GRM8: variants seen among roughly 807,000 people sequenced by gnomAD.
The protein encoded by GRM8 is glutamate metabotropic receptor 8.
A neutral mutation model predicts 87.2 loss-of-function variants in GRM8; 47 were observed. That is an observed-to-expected ratio of 0.54 (90% CI 0.43 to 0.69). The LOEUF is 0.69. Ranked by LOEUF, GRM8 falls within the 30% of genes least tolerant of loss-of-function variation. The probability of loss-of-function intolerance (pLI) is 0.00; values close to 1 mark genes in which losing one functional copy is unlikely to be tolerated. For missense variants in GRM8, 1,019 were observed against 1,139.2 expected, an observed-to-expected ratio of 0.89 and a Z score of 1.52; for synonymous variants, 396 against 404.5, an observed-to-expected ratio of 0.98 and a Z score of 0.25.
At chr7:127,205,821 A>G (rs1357779755) in intron 2 of GRM8, among the ~76,000 whole-genome samples, 2 of 152,090 alleles carry the variant, frequency 1.3e-5, no homozygotes, top group Non-Finnish European at 2.9e-5. Flanking sequence ...CTCTTCACCC[A>G]GGCTCCATGT....
intron 8 of GRM8, among the ~76,000 whole-genome samples, chr7:126,542,145 C>T (rs574311208): frequency 6.6e-6 from 1 of 152,230 alleles, no homozygotes; most frequent in South Asian, 2.1e-4. Context: ...TTCTGGCCTC[C>T]AGAACTATGA....
chr7:127,205,378 G>A (rs1239534316), intron 2 of GRM8, among the ~76,000 whole-genome samples: 1 of 152,154 alleles, frequency 6.6e-6, no homozygotes, highest in African/African-American at 2.4e-5. Context: ...ATTAATGCCT[G>A]AATTACCAAG....
intron 3 of GRM8, among the ~76,000 whole-genome samples, chr7:126,934,559 C>A (rs976884413): frequency 6.6e-6 from 1 of 152,132 alleles, no homozygotes; most frequent in Non-Finnish European, 1.5e-5. Flanking sequence ...ACAGAAATCT[C>A]AGATTCTTTG....
At chr7:126,565,661 A>G (rs9942596) in intron 8 of GRM8, among the ~76,000 whole-genome samples, 46,933 of 150,630 alleles carry the variant, frequency 0.31, 8,125 homozygotes, top group East Asian at 0.45. Flanking sequence ...AAAATCCCAA[A>G]GAAATTTCAT....
chr7:126,522,438 T>C (rs544526541), intron 9 of GRM8, among the ~76,000 whole-genome samples: 1 of 152,282 alleles, frequency 6.6e-6, no homozygotes. Context: ...CCCTAGCAAA[T>C]GAAGTACAAA....
chr7:127,243,295 C>T lies in GRM8; in HGVS notation c.-91G>A. ...CACCTGAGGCTGCACCTTCTGGAGG[C>T]TACCATCAGGGCCCATGGGGAAAAG... On this transcript the variant is annotated 5_prime_UTR_variant, in exon 2 of 11. Coordinates refer to ENST00000339582, the MANE Select transcript of GRM8 (RefSeq NM_000845.3). The T allele has an allele frequency of 2.5e-6, 3 of 1,177,878 alleles. No homozygotes were observed. The highest frequency in any genetic ancestry group is 3.6e-6 in the Non-Finnish European group (3 of 837,168). 73.0% of individuals were successfully genotyped at this position (1,177,878 alleles called of 1,614,324 possible).
intron 2 of GRM8, among the ~76,000 whole-genome samples, chr7:127,172,222 A>C (rs1468187472): frequency 6.6e-6 from 1 of 152,130 alleles, no homozygotes; most frequent in African/African-American, 2.4e-5. Flanking sequence ...TCTTGTGATT[A>C]TTTAATAAAC....
At chr7:127,015,855 T>C (rs1360673880) in intron 3 of GRM8, among the ~76,000 whole-genome samples, 1 of 152,158 alleles carries the variant, frequency 6.6e-6, no homozygotes, top group African/African-American at 2.4e-5. Flanking sequence ...AGGAAGAACT[T>C]AATTTATTGC....
In GRM8 at chr7:126,557,560, G is replaced by A. The variant is rs372601685; in HGVS notation, c.1495-23673C>T. On this transcript the variant is annotated intron_variant, in intron 8 of 10. Transcript: ENST00000339582. The stretch of plus-strand genomic sequence containing the variant: ...TTTCTGGAAATTCCCCATTGTTGCT[G>A]TACAACACTTCCTATTATAAAATTC... 5.8e-3 allele frequency among the ~76,000 whole-genome samples: 784 copies of A among 135,072 alleles called. 7 individuals are homozygous for A. Among genetic ancestry groups the A allele is most frequent in the African/African-American group, 0.019 (747 of 40,314 alleles). 88.6% of individuals were successfully genotyped at this position (135,072 alleles called of 152,430 possible).
chr7:127,111,284 A>C (rs991607436), intron 2 of GRM8: 2 of 152,220 alleles, frequency 1.3e-5, no homozygotes, highest in African/African-American at 4.8e-5. Context: ...CCAAAAATTT[A>C]ACTTAGAGCT....
intron 2 of GRM8, among the ~76,000 whole-genome samples, chr7:127,125,995 C>T (rs1170660771): frequency 3.0e-5 from 4 of 131,850 alleles, no homozygotes; most frequent in East Asian, 2.0e-4. Context: ...GGTGAGGATG[C>T]GGAGAAAAGG....
chr7:127,151,292 T>A (rs1022560917), intron 2 of GRM8, among the ~76,000 whole-genome samples: 1 of 152,020 alleles, frequency 6.6e-6, no homozygotes, highest in African/African-American at 2.4e-5. Flanking sequence ...TTCAATAAAC[T>A]CAACCACCTA....
At chr7:126,628,192 C>T (rs1203709525) in intron 7 of GRM8, among the ~76,000 whole-genome samples, 2 of 152,020 alleles carry the variant, frequency 1.3e-5, no homozygotes, top group South Asian at 2.1e-4. Flanking sequence ...GGATTACAGG[C>T]GTGTGCCACC....
intron 6 of GRM8, among the ~76,000 whole-genome samples, chr7:126,782,482 AG>A (rs1820189002): frequency 6.6e-6 from 1 of 152,234 alleles, no homozygotes; most frequent in Non-Finnish European, 1.5e-5. Flanking sequence ...TCACTGAATG[AG>A]TTTGCCCATG....
chr7:126,754,172 A>G (rs1816751727), intron 7 of GRM8, among the ~76,000 whole-genome samples: 1 of 151,902 alleles, frequency 6.6e-6, no homozygotes, highest in Admixed American at 6.6e-5. Flanking sequence ...CTGTTGGCAT[A>G]GTCCCTTGTG....
At chr7:127,183,774 TA>T (rs950348387) in intron 2 of GRM8, among the ~76,000 whole-genome samples, 4 of 151,948 alleles carry the variant, frequency 2.6e-5, no homozygotes, top group African/African-American at 9.6e-5. Context: ...ATAAAATTTA[TA>T]AACCTCTAGT....
intron 9 of GRM8, among the ~76,000 whole-genome samples, chr7:126,524,757 CTA>C (rs1040318833): frequency 1.3e-5 from 2 of 151,930 alleles, no homozygotes; most frequent in African/African-American, 4.8e-5. Context: ...TGCTCTGGTT[CTA>C]TGTTTCAGCA....
intron 3 of GRM8, among the ~76,000 whole-genome samples, chr7:127,024,815 TC>T (rs1024359340): frequency 1.3e-5 from 2 of 151,916 alleles, no homozygotes; most frequent in African/African-American, 4.8e-5. Context: ...AGACATCAGC[TC>T]CAAAAGGCCA....
intron 3 of GRM8, among the ~76,000 whole-genome samples, chr7:126,932,928 T>A (rs906171425): frequency 6.6e-6 from 1 of 152,172 alleles, no homozygotes; most frequent in African/African-American, 2.4e-5. Flanking sequence ...AGTAGAGATC[T>A]CAGGTTGTGG....
Sources: gnomAD v4.1 joint callset for allele counts (sites outside exome capture counted in the v4.1 genomes callset) on GRCh38, gnomAD v4.1.1 for gene constraint, MANE v1.5 for transcripts, NCBI Gene and HGNC (gene_info 2026-07-23, HGNC 2026-07-21) for gene names.